The following TRRAP variants were observed in gnomAD, a reference collection of about 807,000 sequenced individuals.
The protein encoded by TRRAP is transformation/transcription domain-associated protein.
A neutral mutation model predicts 438.8 loss-of-function variants in TRRAP; 41 were observed. That is an observed-to-expected ratio of 0.09 (90% confidence interval 0.07 to 0.12). TRRAP has a LOEUF of 0.12. Ranked by LOEUF, TRRAP falls within the 10% of genes least tolerant of loss-of-function variation. The pLI is 1.00. For missense variants in TRRAP, 3,122 were observed against 5,055.1 expected, an observed-to-expected ratio of 0.62 and a Z score of 11.60; for synonymous variants, 1,994 against 1,962.9, an observed-to-expected ratio of 1.02 and a Z score of -0.42.
chr7:98,921,663 A>G, intron 20 of TRRAP, 90 bp from the exon 21 acceptor site: 2 of 1,549,556 alleles, frequency 1.3e-6, no homozygotes, highest in Non-Finnish European at 1.8e-6. Context: ...GGCATGAGCC[A>G]CTACGCCTGG....
rs148005739 is a variant in TRRAP at position 98,900,846 on chromosome 7, C to T, written c.897+126C>T. On this transcript the variant is annotated intron_variant, in intron 11 of 72. Transcript: ENST00000456197. ...TAATCATTACTAACACATCAAAATA[C>T]GGTACATTTCCATCAACCTCCAAAA... The T allele has an allele frequency of 1.9e-4, 136 of 715,468 alleles. No individual in the cohort carries two copies. In the East Asian group the frequency reaches 3.6e-3, roughly 19 times the overall value. 44.3% of individuals were successfully genotyped at this position (715,468 alleles called of 1,614,324 possible).
chr7:98,906,402 TTTTATTTA>T (rs3066870), intron 13 of TRRAP, 147 bp downstream of exon 13: 2,777 of 194,766 alleles, frequency 0.014, 41 homozygotes, highest in African/African-American at 0.033. Context: ...TTTGTTTTTG[TTTTATTTA>T]TTTATTTATT....
intron 11 of TRRAP, 117 bp from the exon 12 acceptor site, chr7:98,903,262 C>T (rs1796555103): frequency 6.1e-6 from 8 of 1,318,508 alleles, no homozygotes; most frequent in African/African-American, 1.5e-5. Context: ...CCTCATGTGA[C>T]CCACCCACCT....
intron 70 of TRRAP, among the ~76,000 whole-genome samples, chr7:99,010,519 G>A (rs958214959): frequency 6.6e-6 from 1 of 152,290 alleles, no homozygotes; most frequent in Middle Eastern, 3.4e-3. Context: ...CCAGATGGTC[G>A]AACGGGAAGT....
intron 23 of TRRAP, among the ~76,000 whole-genome samples, chr7:98,928,576 C>T (rs1331971114): frequency 1.3e-5 from 2 of 152,156 alleles, no homozygotes; most frequent in African/African-American, 2.4e-5. Flanking sequence ...ACCTGGGTAC[C>T]TCCGAGGCAT....
Position 98,956,443 on chromosome 7 carries a change from T to C in TRRAP, c.6141T>C (p.Asn2047=). 1 of 1,614,212 alleles carries C rather than the reference T, an allele frequency of 6.2e-7. No homozygotes were observed. Among genetic ancestry groups the C allele is most frequent in the Non-Finnish European group, 8.5e-7 (1 of 1,180,044 alleles). The stretch of plus-strand genomic sequence containing the variant: ...CAAATTCCAGTGGAGAAGGAGTCAA[T>C]TCTGTCTCATCCTCCATTAAGAGAG... ...MDPNSSGEGV[N]SVSSSIKRGL... Residue 2047 remains asparagine, a synonymous_variant, in exon 43 of 73, where the codon AAT becomes AAC. Coordinates refer to ENST00000456197, the MANE Select transcript of TRRAP (RefSeq NM_001375524.1). This position sits in a 1 kb window ranked among gnomAD's most constrained non-coding sequence, Gnocchi z 4.5.
Position 98,910,414 on chromosome 7 carries a change from C to G in TRRAP, c.1709C>G (p.Pro570Arg). 1.9e-6 allele frequency: 3 copies of G among 1,609,870 alleles called. No homozygotes were observed. The highest frequency in any genetic ancestry group is 2.5e-6 in the Non-Finnish European group (3 of 1,179,148). ...TGGGGCATAACATCATGCAAAGCAC[C>G]TGGTGGTAATTCTGCTCTTCAGTTA... The part of the protein sequence containing the change: ...ITWGITSCKA[P>R]GEAQFIPNKQ... Residue 570 changes from proline to arginine, a missense_variant, in exon 15 of 73, where the codon CCT becomes CGT. Pro to Arg is a moderately radical substitution (Grantham distance 103). Coordinates refer to ENST00000456197, the MANE Select transcript of TRRAP (RefSeq NM_001375524.1).
intron 18 of TRRAP, among the ~76,000 whole-genome samples, chr7:98,913,240 G>A (rs1318082244): frequency 6.6e-6 from 1 of 152,090 alleles, no homozygotes; most frequent in East Asian, 1.9e-4. Flanking sequence ...AACTGGTTCT[G>A]CGGTTACAGT....
intron 30 of TRRAP, among the ~76,000 whole-genome samples, chr7:98,941,679 A>G (rs1790802403): frequency 1.3e-5 from 2 of 152,172 alleles, no homozygotes; most frequent in Admixed American, 6.5e-5. Context: ...CTGGTGATTA[A>G]TATCTTTCAG....
chr7:98,958,178 A>G (rs1554420315), intron 44 of TRRAP, 87 bp downstream of exon 44: 3 of 1,144,306 alleles, frequency 2.6e-6, no homozygotes, highest in African/African-American at 3.1e-5. Flanking sequence ...TGGCAATTTC[A>G]TCAAAAAAGA....
intron 39 of TRRAP, 40 bp downstream of exon 39, chr7:98,951,044 C>G: frequency 7.0e-7 from 1 of 1,433,114 alleles, no homozygotes; most frequent in Non-Finnish European, 9.3e-7. Context: ...AGTAGCCTGG[C>G]ATGTGGATGA....
chr7:98,999,952 T>A (rs1394070273), intron 67 of TRRAP: 1 of 238,148 alleles, frequency 4.2e-6, no homozygotes, highest in Non-Finnish European at 8.0e-6. Flanking sequence ...GAATTGTTAA[T>A]AACAATCAGA....
chr7:98,920,856 T>G (rs1789755893), intron 20 of TRRAP, among the ~76,000 whole-genome samples: 2 of 152,154 alleles, frequency 1.3e-5, no homozygotes, highest in African/African-American at 2.4e-5. Context: ...TTTTTTTTTT[T>G]GAGATGAAGT....
At chr7:98,903,766 T>G (rs1796580349) in intron 12 of TRRAP, among the ~76,000 whole-genome samples, 1 of 152,160 alleles carries the variant, frequency 6.6e-6, no homozygotes, top group South Asian at 2.1e-4. Context: ...TTTATGGACT[T>G]ACAGTTCCAC....
rs547271870 is a variant in TRRAP, at chr7:98,917,523, G to C, written c.2466G>C (p.Pro822=). The change falls in exon 20 of 73, where the codon CCG becomes CCC. Residue 822 remains proline (P), a synonymous_variant. Transcript: ENST00000456197. The part of the protein sequence containing the change: ...TVPVRLSSLL[P]YLPMLMDPLV... ...CTGTGCGGCTGAGCTCGCTTTTGCC[G>C]TACCTGCCCATGCTTATGGATCCCT... The C allele has an allele frequency of 1.9e-6, 3 of 1,614,052 alleles. No individual in the cohort carries two copies. The highest frequency in any genetic ancestry group is 2.5e-6 in the Non-Finnish European group (3 of 1,180,052).
intron 67 of TRRAP, among the ~76,000 whole-genome samples, chr7:98,998,279 T>C (rs1442174345): frequency 6.6e-6 from 1 of 152,202 alleles, no homozygotes; most frequent in Non-Finnish European, 1.5e-5. Flanking sequence ...TTTCAGAGCT[T>C]TGAGCACATT....
At chr7:98,950,660 CA>C (rs1226950619) in intron 38 of TRRAP, among the ~76,000 whole-genome samples, 2 of 152,146 alleles carry the variant, frequency 1.3e-5, no homozygotes, top group African/African-American at 2.4e-5. Context: ...GCTTGTTTGA[CA>C]TGAAAAGAAT....
chr7:98,921,056 C>G (rs1188618111), intron 20 of TRRAP, among the ~76,000 whole-genome samples: 1 of 152,146 alleles, frequency 6.6e-6, no homozygotes, highest in Non-Finnish European at 1.5e-5. Flanking sequence ...AGGCTGGTCT[C>G]GAACTACCGA....
At chr7:98,883,462 A>C (rs2190266) in intron 3 of TRRAP, among the ~76,000 whole-genome samples, 136,308 of 152,216 alleles carry the variant, frequency 0.9, 61,090 homozygotes, top group South Asian at 0.94. Context: ...AACATTTGGG[A>C]TATATGAAGG....
Sources: gnomAD v4.1 joint callset for allele counts (sites outside exome capture counted in the v4.1 genomes callset) on GRCh38, gnomAD v4.1.1 for gene constraint, Gnocchi (gnomAD v3.1) non-coding constraint, MANE v1.5 for transcripts, NCBI Gene and HGNC (gene_info 2026-07-23, HGNC 2026-07-21) for gene names.